The following XKR6 variants were observed in gnomAD, a reference collection of about 807,000 sequenced individuals.
XKR6 encodes XK related 6, also known as XK-related protein 6.
In XKR6, 22 loss-of-function variants were observed where a neutral mutation model predicts 56.7. The ratio of observed to expected loss-of-function variants is 0.39; its 90% CI spans 0.28 to 0.55. The LOEUF (loss-of-function observed/expected upper bound fraction) is 0.55. Among genes scored for constraint, XKR6 ranks in the 20% least tolerant of loss-of-function variants. The probability of loss-of-function intolerance (pLI) is 0.66; values close to 1 mark genes in which losing one functional copy is unlikely to be tolerated. For missense variants in XKR6, 852 were observed against 889.0 expected (o/e 0.96, Z 0.53); for synonymous variants, 524 against 387.8 (o/e 1.35, Z -4.13).
At chr8:10,953,222 G>T (rs1388707348) in intron 1 of XKR6, among the ~76,000 whole-genome samples, 2 of 152,192 alleles carry the variant, frequency 1.3e-5, no homozygotes, top group Non-Finnish European at 2.9e-5. Context: ...TATCTTCCAT[G>T]AAACTGGTCC....
At chr8:10,966,938 T>C (rs1802243793) in intron 1 of XKR6, among the ~76,000 whole-genome samples, 1 of 152,032 alleles carries the variant, frequency 6.6e-6, no homozygotes, top group Non-Finnish European at 1.5e-5. Flanking sequence ...CATCTTTCAA[T>C]CTCCCCAGGC....
chr8:10,933,644 T>C (rs1323831056), intron 1 of XKR6, among the ~76,000 whole-genome samples: 5 of 113,800 alleles, frequency 4.4e-5, no homozygotes, highest in African/African-American at 2.1e-4. Flanking sequence ...GCACCATTTA[T>C]TAAATAGGGA....
chr8:10,996,682 A>G (rs1051997214), intron 1 of XKR6, among the ~76,000 whole-genome samples: 2 of 152,154 alleles, frequency 1.3e-5, no homozygotes, highest in African/African-American at 4.8e-5. Context: ...TCTGGTCCAT[A>G]AAAAAGGGGC....
intron 1 of XKR6, among the ~76,000 whole-genome samples, chr8:11,079,685 C>G (rs949164965): frequency 1.3e-5 from 2 of 152,220 alleles, no homozygotes; most frequent in Non-Finnish European, 2.9e-5. Flanking sequence ...AGGGACCAGG[C>G]ACGGTGGTTC....
At chr8:11,047,825 A>G (rs1430117491) in intron 1 of XKR6, among the ~76,000 whole-genome samples, 1 of 152,248 alleles carries the variant, frequency 6.6e-6, no homozygotes, top group Non-Finnish European at 1.5e-5. Flanking sequence ...AACAGTGAAC[A>G]TGCGATTACT....
intron 1 of XKR6, among the ~76,000 whole-genome samples, chr8:11,071,495 CCATGAGCCCCGAG>C (rs1800115971): frequency 7.2e-6 from 1 of 138,130 alleles, no homozygotes; most frequent in Non-Finnish European, 1.6e-5. Context: ...AGCCCCGAGT[CCATGAGCCCCGAG>C]TCTATGAGCC....
At chr8:11,062,836 CGCCTGA>C (rs1563112068) in intron 1 of XKR6, 2 of 456,292 alleles carry the variant, frequency 4.4e-6, no homozygotes, top group Non-Finnish European at 8.8e-6. Context: ...CGTGGCCGTG[CGCCTGA>C]GTTCTAGCCA....
intron 1 of XKR6, among the ~76,000 whole-genome samples, chr8:11,168,343 C>T (rs187268907): frequency 1.6e-4 from 25 of 152,150 alleles, no homozygotes; most frequent in East Asian, 5.8e-4. Context: ...TAAATTCAAT[C>T]GGAGATATAA....
At chr8:11,188,788 C>A (rs1302068697) in intron 1 of XKR6, among the ~76,000 whole-genome samples, 2 of 152,178 alleles carry the variant, frequency 1.3e-5, no homozygotes, top group African/African-American at 2.4e-5. Context: ...CTGCCCTGTG[C>A]AAGTCCACAG....
chr8:11,130,134 A>C (rs996427447), intron 1 of XKR6, among the ~76,000 whole-genome samples: 4 of 152,136 alleles, frequency 2.6e-5, no homozygotes, highest in African/African-American at 9.7e-5. Context: ...CTAGAACTAG[A>C]CAGTGTTTGG....
chr8:10,903,361 G>A (rs1800096087), intron 2 of XKR6, among the ~76,000 whole-genome samples: 1 of 152,178 alleles, frequency 6.6e-6, no homozygotes, highest in African/African-American at 2.4e-5. Context: ...CAGGAGATGG[G>A]AAGCCAGGAC....
chr8:11,146,320 G>C (rs1218294014), intron 1 of XKR6, among the ~76,000 whole-genome samples: 1 of 152,146 alleles, frequency 6.6e-6, no homozygotes, highest in African/African-American at 2.4e-5. Context: ...ATACCAAAAA[G>C]CACAACCTGT....
intron 2 of XKR6, 88 bp downstream of exon 2, chr8:10,924,546 G>T (rs561008584): frequency 1.4e-6 from 2 of 1,481,222 alleles, no homozygotes; most frequent in East Asian, 2.3e-5. Context: ...CCCACAGAGC[G>T]TGCCAGGCAC....
At chr8:11,176,601 T>A (rs1367324657) in intron 1 of XKR6, among the ~76,000 whole-genome samples, 1 of 152,094 alleles carries the variant, frequency 6.6e-6, no homozygotes, top group Non-Finnish European at 1.5e-5. Context: ...ACAGCATTCC[T>A]CATCCCCCAA....
At chr8:11,063,655 G>A (rs1799903336) in intron 1 of XKR6, among the ~76,000 whole-genome samples, 1 of 152,206 alleles carries the variant, frequency 6.6e-6, no homozygotes, top group Non-Finnish European at 1.5e-5. Context: ...GGTAGGGGAG[G>A]TACCAGTAAG....
At chr8:11,082,786 C>A (rs987439488) in intron 1 of XKR6, among the ~76,000 whole-genome samples, 1 of 152,206 alleles carries the variant, frequency 6.6e-6, no homozygotes, top group African/African-American at 2.4e-5. Context: ...CGTCCTCGAA[C>A]ACTCTCCTGA....
intron 1 of XKR6, among the ~76,000 whole-genome samples, chr8:11,085,978 G>C (rs1042575506): frequency 1.3e-5 from 2 of 151,990 alleles, no homozygotes; most frequent in Non-Finnish European, 2.9e-5. Context: ...TAGAATTTGA[G>C]AATCACTCAC....
intron 1 of XKR6, among the ~76,000 whole-genome samples, chr8:11,101,221 A>G (rs757474361): frequency 1.3e-5 from 2 of 152,224 alleles, no homozygotes. Context: ...CACGAGAGTC[A>G]TTGAAACTGA....
In XKR6 at chr8:11,140,897, C is replaced by CAAAA. The variant is rs35388667; in HGVS notation, c.764+59675_764+59678dup. 1.0e-4 allele frequency among the ~76,000 whole-genome samples: 9 copies of CAAAA among 88,070 alleles called. No individual in the cohort carries two copies. In the South Asian group the frequency reaches 1.4e-3, roughly 14 times the overall value. 57.8% of individuals were successfully genotyped at this position (88,070 alleles called of 152,430 possible). On this transcript the variant is annotated intron_variant, in intron 1 of 2. Coordinates refer to ENST00000416569, the MANE Select transcript of XKR6 (RefSeq NM_173683.4). Reference sequence around the variant, plus strand: ...TGGGCGACAGAGCGAGACTCTGTCTCAAAAAAAAAAAAAAAAAAACCTTCC... The same window carrying CAAAA: ...TGGGCGACAGAGCGAGACTCTGTCTCAAAAAAAAAAAAAAAAAAAAAAACCTTCC...
Sources: gnomAD v4.1 joint callset for allele counts (sites outside exome capture counted in the v4.1 genomes callset) on GRCh38, gnomAD v4.1.1 for gene constraint, MANE v1.5 for transcripts, NCBI Gene and HGNC (gene_info 2026-07-23, HGNC 2026-07-21) for gene names.